Variants in C7orf57 observed in about 807,000 individuals in gnomAD.
The protein encoded by C7orf57 is chromosome 7 open reading frame 57.
In C7orf57, 33 loss-of-function variants were observed where a neutral mutation model predicts 39.0. That is an observed-to-expected ratio of 0.85 (90% CI 0.64 to 1.13). The LOEUF is 1.13. C7orf57 is among the 50% of genes most tolerant of loss of function. C7orf57 has a pLI of 0.00. For missense variants in C7orf57, 346 were observed against 362.3 expected, an observed-to-expected ratio of 0.95 and a Z score of 0.37; for synonymous variants, 124 against 137.1, an observed-to-expected ratio of 0.90 and a Z score of 0.67.
intron 2 of C7orf57, among the ~76,000 whole-genome samples, chr7:48,039,681 A>T (rs1417939212): frequency 1.3e-5 from 2 of 152,226 alleles, no homozygotes; most frequent in Non-Finnish European, 2.9e-5. Context: ...ACCATGGTCC[A>T]GCCAAGTTGA....
At chr7:48,051,758 C>CTTTCTTTCTTTCT (rs1391028348) in intron 6 of C7orf57, among the ~76,000 whole-genome samples, 384 of 22,398 alleles carry the variant, frequency 0.017, 32 homozygotes, top group Middle Eastern at 0.056. Flanking sequence ...TCTTTTCTTT[C>CTTTCTTTCTTTCT]TTTCTTTCTT....
chr7:48,047,194 A>G (rs1790742836), intron 5 of C7orf57, among the ~76,000 whole-genome samples: 1 of 152,174 alleles, frequency 6.6e-6, no homozygotes, highest in Admixed American at 6.5e-5. Context: ...AGGACCTTCT[A>G]TCCCCTTTCC....
intron 2 of C7orf57, among the ~76,000 whole-genome samples, chr7:48,037,748 T>G (rs2128789361): frequency 7.1e-6 from 1 of 139,940 alleles, no homozygotes; most frequent in South Asian, 2.3e-4. Flanking sequence ...CCTTTAACCC[T>G]CTGTGTGTGT....
chr7:48,054,715 G>C, intron 8 of C7orf57, 109 bp downstream of exon 8: 1 of 904,480 alleles, frequency 1.1e-6, no homozygotes, highest in South Asian at 1.6e-5. Context: ...AGCCTGGAAT[G>C]TCCTTCTCCA....
At chr7:48,055,902 T>C (rs1791103179) in intron 8 of C7orf57, among the ~76,000 whole-genome samples, 2 of 152,354 alleles carry the variant, frequency 1.3e-5, no homozygotes, top group South Asian at 4.1e-4. Context: ...AGCTTGGCTA[T>C]TGTGAATAAT....
At chr7:48,054,560 A>C in intron 7 of C7orf57, 35 bp from the exon 8 acceptor site, 1 of 1,528,322 alleles carries the variant, frequency 6.5e-7, no homozygotes. Flanking sequence ...GATCTGTTTC[A>C]TTAACCTGAA....
chr7:48,050,792 C>T (rs940537615), intron 6 of C7orf57, among the ~76,000 whole-genome samples: 1 of 152,178 alleles, frequency 6.6e-6, no homozygotes, highest in African/African-American at 2.4e-5. Context: ...ACCTCAGCCT[C>T]CCAAGTAGCT....
rs1554298420 is a variant in C7orf57, at chr7:48,038,383, T to TAGATAGATAG, written c.55+2021_55+2022insGATAGATAGA. On this transcript the variant is annotated intron_variant, in intron 2 of 8. Coordinates refer to ENST00000348904, the MANE Select transcript of C7orf57 (RefSeq NM_001100159.3). ...ATCCATGTCTATCTTTCTATATACA[T>TAGATAGATAG]ATAGATAGATAGATAGATAGATAGA... Among the ~76,000 whole-genome samples the TAGATAGATAG allele has an allele frequency of 2.4e-4, 36 of 150,242 alleles. 1 individual carries two copies. The highest frequency in any genetic ancestry group is 8.6e-4 in the African/African-American group (35 of 40,862).
Position 48,035,849 on chromosome 7 carries a change from T to C in C7orf57, c.-102+219T>C, listed in dbSNP as rs2128788131. ...GCTTATCCTCTCTGTACTTGCTGTG[T>C]CCCTGGCGTGGACGTGCCTGTACTG... On this transcript the variant is annotated intron_variant, in intron 1 of 8. Coordinates refer to ENST00000348904, the MANE Select transcript of C7orf57 (RefSeq NM_001100159.3). This position sits in a 1 kb window ranked among gnomAD's most constrained non-coding sequence, Gnocchi z 4.0. Among the ~76,000 whole-genome samples, 1 of 152,304 alleles carries C rather than the reference T, an allele frequency of 6.6e-6. No individual in the cohort carries two copies. Among genetic ancestry groups the C allele is most frequent in the African/African-American group, 2.4e-5 (1 of 41,586 alleles).
At position 48,036,193 on chromosome 7, in the gene C7orf57, A is replaced by G; in HGVS notation, c.-101-15A>G. On this transcript the variant is annotated splice_polypyrimidine_tract_variant and intron_variant, in intron 1 of 8. Coordinates refer to ENST00000348904, the MANE Select transcript of C7orf57 (RefSeq NM_001100159.3). ...AGACCGACCCAGAGCGGGCGCGCGG[A>G]TTTTGCTTTTGCAGCTGCAGCTCCT... is the stretch of plus-strand genomic sequence containing the variant. The G allele has an allele frequency of 8.7e-7, 1 of 1,147,998 alleles. No individual in the cohort carries two copies. The highest frequency in any genetic ancestry group is 1.3e-6 in the Non-Finnish European group (1 of 779,966). 71.1% of individuals were successfully genotyped at this position (1,147,998 alleles called of 1,614,324 possible). A position where few individuals can be genotyped will look rare whatever the true frequency, so the allele number is the denominator to read the frequency against.
intron 8 of C7orf57, 144 bp downstream of exon 8, chr7:48,054,750 G>C (rs376843203): frequency 5.8e-5 from 37 of 642,902 alleles, no homozygotes; most frequent in African/African-American, 2.8e-4. Context: ...TGACTACAAA[G>C]CTTGTGCCAT....
chr7:48,061,221 T>C lies in C7orf57; in HGVS notation c.*949T>C, dbSNP rs929051885. 7 of 152,196 alleles carry C rather than the reference T, an allele frequency of 4.6e-5. No individual in the cohort carries two copies. The highest frequency in any genetic ancestry group is 1.7e-4 in the African/African-American group (7 of 41,450). 9.4% of individuals were successfully genotyped at this position (152,196 alleles called of 1,614,324 possible). A position where few individuals can be genotyped will look rare whatever the true frequency, so the allele number is the denominator to read the frequency against. ...TTTATATTCATTGATCAAACTGATA[T>C]GCTACAGGAGAATGTATGCAATGTG... is the stretch of plus-strand genomic sequence containing the variant. On this transcript the variant is annotated 3_prime_UTR_variant, in exon 9 of 9. Coordinates refer to ENST00000348904, the MANE Select transcript of C7orf57 (RefSeq NM_001100159.3).
Position 48,052,696 on chromosome 7 carries a change from T to TA in C7orf57, c.606-2dup, listed in dbSNP as rs1790991226. 1 of 1,612,804 alleles carries TA rather than the reference T, an allele frequency of 6.2e-7. No homozygotes were observed. Among genetic ancestry groups the TA allele is most frequent in the Non-Finnish European group, 8.5e-7 (1 of 1,178,980 alleles). ...AGTTTCACATTACTTTTACTCTTTT[T>TA]AAGGCCTGGTCAAAAAAACAGTTCA... is the stretch of plus-strand genomic sequence containing the variant. On this transcript the variant is annotated splice_polypyrimidine_tract_variant and splice_region_variant and intron_variant, in intron 6 of 8. Transcript: ENST00000348904.
rs1790953328 is a variant in C7orf57 at position 48,051,873 on chromosome 7, CTTTCTCT to C, written c.606-824_606-818del. Among the ~76,000 whole-genome samples, 17 of 25,044 alleles carry C rather than the reference CTTTCTCT, an allele frequency of 6.8e-4. 1 individual carries two copies. The highest frequency in any genetic ancestry group is 8.6e-4 in the Non-Finnish European group (11 of 12,790). The allele number at this position is 25,044 out of a possible 152,430, so 16.4% of individuals were successfully genotyped here. On this transcript the variant is annotated intron_variant, in intron 6 of 8. Transcript: ENST00000348904. ...TTTCTTTCTTTCTTTCTTTCTTTCT[CTTTCTCT>C]TTCTTTCTTTCCTTCCTTCCTTCCT... is the stretch of plus-strand genomic sequence containing the variant.
chr7:48,042,049 T>C (rs948769424), intron 3 of C7orf57, among the ~76,000 whole-genome samples: 2 of 152,236 alleles, frequency 1.3e-5, no homozygotes, highest in African/African-American at 4.8e-5. Flanking sequence ...AAAAACTAAG[T>C]TATTTGAGCT....
intron 2 of C7orf57, among the ~76,000 whole-genome samples, chr7:48,037,154 G>A (rs1429660433): frequency 7.3e-6 from 1 of 137,256 alleles, no homozygotes; most frequent in African/African-American, 2.9e-5. Context: ...AGATAGTGTG[G>A]CCATGCTGGG....
intron 7 of C7orf57, chr7:48,053,218 A>G: frequency 2.3e-6 from 1 of 438,902 alleles, no homozygotes; most frequent in South Asian, 2.1e-5. Flanking sequence ...AATATACCAA[A>G]TAGTATCAAC....
chr7:48,044,956 TG>T (rs1200078780), intron 4 of C7orf57, among the ~76,000 whole-genome samples: 2 of 152,220 alleles, frequency 1.3e-5, no homozygotes, highest in African/African-American at 4.8e-5. Context: ...CGGTGTTACT[TG>T]AATGTTCTGC....
At chr7:48,039,975 G>T (rs1313485018) in intron 2 of C7orf57, among the ~76,000 whole-genome samples, 2 of 151,690 alleles carry the variant, frequency 1.3e-5, no homozygotes, top group Non-Finnish European at 2.9e-5. Flanking sequence ...TTACATTTGG[G>T]CATCTGGTTA....
Sources: gnomAD v4.1 joint callset for allele counts (sites outside exome capture counted in the v4.1 genomes callset) on GRCh38, gnomAD v4.1.1 for gene constraint, Gnocchi (gnomAD v3.1) non-coding constraint, MANE v1.5 for transcripts, NCBI Gene and HGNC (gene_info 2026-07-23, HGNC 2026-07-21) for gene names.